ZNF92: variants seen among roughly 807,000 people sequenced by gnomAD.
The protein encoded by ZNF92 is epididymis luminal protein 203.
A neutral mutation model predicts 12.4 loss-of-function variants in ZNF92; 11 were observed. The ratio of observed to expected loss-of-function variants is 0.89; its 90% CI spans 0.56 to 1.47. The LOEUF (loss-of-function observed/expected upper bound fraction) is 1.47. Ranked by LOEUF, ZNF92 falls within the 40% of genes most tolerant of loss-of-function variation. The pLI, the probability that ZNF92 is intolerant of heterozygous loss-of-function variation, is 0.00. For synonymous variants in ZNF92, 206 were observed against 228.6 expected, an observed-to-expected ratio of 0.90 and a Z score of 0.89; for missense variants, 622 against 681.0, an observed-to-expected ratio of 0.91 and a Z score of 0.96.
At position 65,399,623 on chromosome 7, in the gene ZNF92, C is replaced by T; in HGVS notation, c.1509C>T (p.His503=). 1 of 1,613,462 alleles carries T rather than the reference C, an allele frequency of 6.2e-7. No individual in the cohort carries two copies. The highest frequency in any genetic ancestry group is 8.5e-7 in the Non-Finnish European group (1 of 1,179,712). The change falls in exon 4 of 4, where the codon CAC becomes CAT. Residue 503 remains histidine, a synonymous_variant. Transcript: ENST00000328747. The stretch of plus-strand genomic sequence containing the variant: ...TTTTTACTAAACATAAGATAATTCA[C>T]ACTGAAGGGAAATCCTACAAATGTG... The part of the protein sequence containing the change: ...SSIFTKHKII[H]TEGKSYKCEK...
intron 1 of ZNF92, among the ~76,000 whole-genome samples, chr7:65,386,939 C>CTTTTTTT (rs34718120): frequency 1.5e-5 from 2 of 129,726 alleles, no homozygotes; most frequent in Non-Finnish European, 3.2e-5. Context: ...TTTCTTTCTT[C>CTTTTTTT]TTTTTTTTTT....
intron 1 of ZNF92, among the ~76,000 whole-genome samples, chr7:65,386,077 C>T (rs559365431): frequency 9.5e-4 from 144 of 152,006 alleles, no homozygotes; most frequent in Non-Finnish European, 1.6e-3. Flanking sequence ...TGGAGTGCAG[C>T]GGCATGATCT....
Position 65,400,422 on chromosome 7 carries a change from A to G in ZNF92, c.*547A>G, listed in dbSNP as rs914088700. The G allele has an allele frequency of 6.6e-6, 1 of 152,068 alleles. No individual in the cohort carries two copies. Among genetic ancestry groups the G allele is most frequent in the Non-Finnish European group, 1.5e-5 (1 of 67,970 alleles). 9.4% of individuals were successfully genotyped at this position (152,068 alleles called of 1,614,324 possible). A position where few individuals can be genotyped will look rare whatever the true frequency, so the allele number is the denominator to read the frequency against. Reference sequence around the variant, plus strand: ...AATATGGAAAAACATTTTTTCAAAAACTACAGCTTGGAAAACATCAGAGAG... The same window carrying G: ...AATATGGAAAAACATTTTTTCAAAAGCTACAGCTTGGAAAACATCAGAGAG... On this transcript the variant is annotated 3_prime_UTR_variant, in exon 4 of 4. Transcript: ENST00000328747.
In ZNF92 at chr7:65,398,651, CA is replaced by C. The variant is rs763203059; in HGVS notation, c.540del (p.Lys180AsnfsTer9). 11 of 1,611,838 alleles carry C rather than the reference CA, an allele frequency of 6.8e-6. No individual in the cohort carries two copies. Among genetic ancestry groups the C allele is most frequent in the Non-Finnish European group, 9.3e-6 (11 of 1,179,304 alleles). On this transcript the variant is annotated frameshift_variant, in exon 4 of 4. Coordinates refer to ENST00000328747, the MANE Select transcript of ZNF92 (RefSeq NM_152626.4). LOFTEE classifies it low-confidence loss of function (END_TRUNC). ...KKPFKCKNRG[K>X]SFCMLSQLTQ... is the part of the protein sequence containing the mutation. ...AACCTTTCAAATGTAAAAACCGTGGCAAATCATTTTGCATGCTTTCACAATT... is the reference window on the plus strand; with the variant it reads ...AACCTTTCAAATGTAAAAACCGTGGCAATCATTTTGCATGCTTTCACAATT...
Position 65,399,028 on chromosome 7 carries a change from G to A in ZNF92, c.914G>A (p.Arg305Lys). 6.2e-7 allele frequency: 1 copy of A among 1,611,792 alleles called. No individual in the cohort carries two copies. The highest frequency in any genetic ancestry group is 8.5e-7 in the Non-Finnish European group (1 of 1,179,288). Residue 305 changes from arginine (R) to lysine (K), a missense_variant, in exon 4 of 4, where the codon AGA becomes AAA. By Grantham distance (26) the Arg-to-Lys change is conservative. Coordinates refer to ENST00000328747, the MANE Select transcript of ZNF92 (RefSeq NM_152626.4). ...NQFSILNKHK[R>K]IHMEDKPYKC... is the part of the protein sequence containing the mutation. ...TTCTCGATTCTTAATAAACATAAGA[G>A]AATTCATATGGAAGATAAACCCTAC...
intron 1 of ZNF92, among the ~76,000 whole-genome samples, chr7:65,375,693 A>G (rs1424392115): frequency 6.6e-6 from 1 of 151,824 alleles, no homozygotes; most frequent in African/African-American, 2.4e-5. Context: ...ACTAAAATAC[A>G]AAAAATTAGC....
At chr7:65,386,316 G>A (rs1793563314) in intron 1 of ZNF92, among the ~76,000 whole-genome samples, 1 of 152,078 alleles carries the variant, frequency 6.6e-6, no homozygotes, top group Non-Finnish European at 1.5e-5. Flanking sequence ...ACCGCACCCA[G>A]GCAAATATTT....
Position 65,399,963 on chromosome 7 carries a change from G to A in ZNF92, c.*88G>A, listed in dbSNP as rs1049528579. On this transcript the variant is annotated 3_prime_UTR_variant, in exon 4 of 4. Coordinates refer to ENST00000328747, the MANE Select transcript of ZNF92 (RefSeq NM_152626.4). ...CTAGAAATGTGAGGAATATGACAAGGACTTTAAATGGTTGTCACGCTTGAT... is the reference window on the plus strand; with the variant it reads ...CTAGAAATGTGAGGAATATGACAAGAACTTTAAATGGTTGTCACGCTTGAT... The A allele has an allele frequency of 1.7e-6, 2 of 1,161,846 alleles. No individual in the cohort carries two copies. Among genetic ancestry groups the A allele is most frequent in the Admixed American group, 2.6e-5 (1 of 38,596 alleles). The allele number at this position is 1,161,846 out of a possible 1,614,324, so 72.0% of individuals were successfully genotyped here.
intron 3 of ZNF92, among the ~76,000 whole-genome samples, chr7:65,389,488 G>A (rs1156481440): frequency 3.9e-5 from 6 of 152,042 alleles, no homozygotes; most frequent in Non-Finnish European, 7.4e-5. Context: ...ACAAATAGCT[G>A]CATAATTTTG....
intron 3 of ZNF92, among the ~76,000 whole-genome samples, chr7:65,389,557 G>A (rs144747165): frequency 9.2e-5 from 14 of 151,606 alleles, no homozygotes; most frequent in African/African-American, 1.5e-4. Flanking sequence ...TCGCTCTGTC[G>A]CCAGGCTGGA....
chr7:65,376,361 A>C lies in ZNF92; in HGVS notation c.3+2361A>C, dbSNP rs368467672. On this transcript the variant is annotated intron_variant, in intron 1 of 3. Transcript: ENST00000328747. The stretch of plus-strand genomic sequence containing the variant: ...ATAAAAGAGGTGAGTTTCAGGAAAA[A>C]ATTAATATCTAATCACATATTCCAT... Among the ~76,000 whole-genome samples the C allele has an allele frequency of 4.6e-5, 7 of 152,084 alleles. No homozygotes were observed. The East Asian group carries it at 1.3e-3, about 29-fold the overall frequency.
At chr7:65,383,848 C>T (rs974984544) in intron 1 of ZNF92, among the ~76,000 whole-genome samples, 1 of 152,080 alleles carries the variant, frequency 6.6e-6, no homozygotes, top group African/African-American at 2.4e-5. Flanking sequence ...GGGCCATCAG[C>T]CCAGGATCAC....
At position 65,400,552 on chromosome 7, in the gene ZNF92, T is replaced by TTG. The variant is rs1018496171; in HGVS notation, c.*677_*678insTG. 2.6e-5 allele frequency: 4 copies of TTG among 151,976 alleles called. No homozygotes were observed. The highest frequency in any genetic ancestry group is 4.4e-5 in the Non-Finnish European group (3 of 67,898). 9.4% of individuals were successfully genotyped at this position (151,976 alleles called of 1,614,324 possible). A position where few individuals can be genotyped will look rare whatever the true frequency, so the allele number is the denominator to read the frequency against. ...AATTCACAGTAGAAATCATAAGGCA[T>TTG]AAGGCACTGATACTTCAGACATTAC... On this transcript the variant is annotated 3_prime_UTR_variant, in exon 4 of 4. Transcript: ENST00000328747.
chr7:65,392,073 C>G (rs1044673443), intron 3 of ZNF92, among the ~76,000 whole-genome samples: 1 of 152,062 alleles, frequency 6.6e-6, no homozygotes, highest in Non-Finnish European at 1.5e-5. Context: ...TCTGTTTGTA[C>G]ACTTTAAGTG....
intron 3 of ZNF92, among the ~76,000 whole-genome samples, chr7:65,395,732 T>C (rs1014930911): frequency 2.0e-5 from 3 of 152,140 alleles, no homozygotes; most frequent in Non-Finnish European, 4.4e-5. Flanking sequence ...AATTATATAA[T>C]ATCAGTCTTT....
intron 1 of ZNF92, among the ~76,000 whole-genome samples, chr7:65,378,964 CTA>C (rs1410469969): frequency 6.6e-6 from 1 of 152,064 alleles, no homozygotes; most frequent in Non-Finnish European, 1.5e-5. Flanking sequence ...CCAGGATTAT[CTA>C]TGTGCTTCAT....
rs1270959970 is a variant in ZNF92, at chr7:65,397,095, T to A, written c.227-1246T>A. Reference sequence around the variant, plus strand: ...TGGCCAGTAAGTTTTACCTTCTGTGTTATAATTTTGTTTTGGACTTTGACT... The same window carrying A: ...TGGCCAGTAAGTTTTACCTTCTGTGATATAATTTTGTTTTGGACTTTGACT... On this transcript the variant is annotated intron_variant, in intron 3 of 3. Transcript: ENST00000328747. Among the ~76,000 whole-genome samples, 4 of 152,034 alleles carry A rather than the reference T, an allele frequency of 2.6e-5. No homozygotes were observed. In the East Asian group the frequency reaches 7.7e-4, roughly 29 times the overall value.
At chr7:65,384,678 G>A (rs754754206) in intron 1 of ZNF92, among the ~76,000 whole-genome samples, 35 of 151,966 alleles carry the variant, frequency 2.3e-4, no homozygotes, top group Non-Finnish European at 3.2e-4. Flanking sequence ...TCCAAACTAC[G>A]TTAAACTCTT....
intron 1 of ZNF92, among the ~76,000 whole-genome samples, chr7:65,387,628 G>A (rs951231700): frequency 1.3e-5 from 2 of 151,368 alleles, no homozygotes; most frequent in African/African-American, 4.9e-5. Flanking sequence ...GTACGTTTGT[G>A]TTCATGCCCT....
Sources: gnomAD v4.1 joint callset for allele counts (sites outside exome capture counted in the v4.1 genomes callset) on GRCh38, gnomAD v4.1.1 for gene constraint, MANE v1.5 for transcripts, NCBI Gene and HGNC (gene_info 2026-07-23, HGNC 2026-07-21) for gene names.